Variants in ALOX5 observed in about 807,000 individuals in gnomAD.
ALOX5 encodes arachidonate 5-lipoxygenase.
A neutral mutation model predicts 87.9 loss-of-function variants in ALOX5; 64 were observed. The observed-to-expected ratio is 0.73, with a 90% CI of 0.60 to 0.90. ALOX5 has a LOEUF of 0.90. Ranked by LOEUF, ALOX5 falls within the 40% of genes least tolerant of loss-of-function variation. The pLI is 0.00. For synonymous variants in ALOX5, 388 were observed against 355.1 expected (o/e 1.09, Z -1.04); for missense variants, 822 against 907.5 (o/e 0.91, Z 1.21).
At chr10:45,383,393 C>T (rs1393900096) in intron 2 of ALOX5, among the ~76,000 whole-genome samples, 1 of 152,260 alleles carries the variant, frequency 6.6e-6, no homozygotes, top group African/African-American at 2.4e-5. Context: ...CTGAATGAAC[C>T]ACCTTGCATA....
chr10:45,392,493 CA>C (rs1394691641), intron 2 of ALOX5, among the ~76,000 whole-genome samples: 1 of 151,596 alleles, frequency 6.6e-6, no homozygotes, highest in Non-Finnish European at 1.5e-5. Flanking sequence ...CTTTGTTAAA[CA>C]GATGCTTGAA....
intron 3 of ALOX5, among the ~76,000 whole-genome samples, chr10:45,404,654 C>T (rs146248508): frequency 1.6e-4 from 24 of 152,346 alleles, no homozygotes; most frequent in Admixed American, 2.6e-4. Context: ...ATCTGAATAA[C>T]CCATGCGCTC....
rs79179915 is a variant in ALOX5, at chr10:45,425,903, G to T, written c.834+771G>T. Among the ~76,000 whole-genome samples the T allele has an allele frequency of 4.3e-3, 649 of 152,290 alleles. 14 individuals carry two copies. In the East Asian group the frequency reaches 0.059, roughly 14 times the overall value. On this transcript the variant is annotated intron_variant, in intron 6 of 13. Transcript: ENST00000374391. The surrounding 1 kb of genome is among the most constrained non-coding windows in gnomAD (Gnocchi z 4.4). ...AGGCCCTAGTTGGAGAGGGATGGTT[G>T]GTGCCCTTTAGAGATAAACCTACAG...
chr10:45,404,545 T>C (rs758467580), intron 3 of ALOX5, among the ~76,000 whole-genome samples: 3 of 152,260 alleles, frequency 2.0e-5, no homozygotes, highest in Admixed American at 6.5e-5. Context: ...CTAATCATTA[T>C]GTGACCTGCA....
intron 4 of ALOX5, among the ~76,000 whole-genome samples, chr10:45,413,719 T>TA (rs1841158894): frequency 6.6e-6 from 1 of 152,210 alleles, no homozygotes; most frequent in African/African-American, 2.4e-5. Flanking sequence ...AAAATCTCCT[T>TA]AAGCTGATAA....
At position 45,419,455 on chromosome 10, in the gene ALOX5, G is replaced by A. The variant is rs578179601; in HGVS notation, c.555-4586G>A. The stretch of plus-strand genomic sequence containing the variant: ...GGGACGGGGGAGAGGGAACCTGGGG[G>A]CAGGCAGAGGCCTAGGGGGTGGGCT... On this transcript the variant is annotated intron_variant, in intron 4 of 13. Coordinates refer to ENST00000374391, the MANE Select transcript of ALOX5 (RefSeq NM_000698.5). Among the ~76,000 whole-genome samples, 608 of 152,214 alleles carry A rather than the reference G, an allele frequency of 4.0e-3. 2 individuals are homozygous for A. The highest frequency in any genetic ancestry group is 0.013 in the African/African-American group (558 of 41,548).
intron 3 of ALOX5, among the ~76,000 whole-genome samples, chr10:45,408,825 T>C (rs1416899482): frequency 1.3e-5 from 2 of 152,250 alleles, no homozygotes; most frequent in Admixed American, 1.3e-4. Context: ...TCCATTTCTT[T>C]GTAGTTTCAC....
intron 7 of ALOX5, among the ~76,000 whole-genome samples, chr10:45,431,303 T>A (rs1212082906): frequency 6.6e-6 from 1 of 151,944 alleles, no homozygotes; most frequent in East Asian, 1.9e-4. Flanking sequence ...ATTTTAGAGG[T>A]CATACCACAT....
At chr10:45,424,846 C>A in intron 5 of ALOX5, 114 bp from the exon 6 acceptor site, 1 of 1,294,242 alleles carries the variant, frequency 7.7e-7, no homozygotes, top group Non-Finnish European at 1.1e-6. Context: ...ATCCAGGGAG[C>A]ACTCGGGAGA....
At chr10:45,387,965 G>A (rs1217117011) in intron 2 of ALOX5, among the ~76,000 whole-genome samples, 1 of 152,190 alleles carries the variant, frequency 6.6e-6, no homozygotes, top group African/African-American at 2.4e-5. Context: ...CAGAACAGTG[G>A]GGGCAGCCCA....
Position 45,386,438 on chromosome 10 carries a change from C to T in ALOX5, c.349+3757C>T, listed in dbSNP as rs141873881. ...CTATGATCATGCCACTGCACTCTAGCCTGGGAGACAGAGGGAGACCCTGTC... is the reference window on the plus strand; with the variant it reads ...CTATGATCATGCCACTGCACTCTAGTCTGGGAGACAGAGGGAGACCCTGTC... On this transcript the variant is annotated intron_variant, in intron 2 of 13. Coordinates refer to ENST00000374391, the MANE Select transcript of ALOX5 (RefSeq NM_000698.5). Among the ~76,000 whole-genome samples the T allele has an allele frequency of 6.3e-3, 956 of 151,804 alleles. 4 individuals carry two copies. Among genetic ancestry groups the T allele is most frequent in the Admixed American group, 7.6e-3 (116 of 15,236 alleles).
intron 2 of ALOX5, among the ~76,000 whole-genome samples, chr10:45,384,709 A>G (rs1174899551): frequency 1.3e-5 from 2 of 152,148 alleles, no homozygotes; most frequent in African/African-American, 4.8e-5. Flanking sequence ...AAACTGGCAC[A>G]CTGTAACTTC....
At chr10:45,410,271 T>C (rs995040676) in intron 3 of ALOX5, among the ~76,000 whole-genome samples, 7 of 152,238 alleles carry the variant, frequency 4.6e-5, no homozygotes, top group African/African-American at 1.4e-4. Context: ...TAGATATATA[T>C]TGGAGATGCC....
intron 3 of ALOX5, among the ~76,000 whole-genome samples, chr10:45,404,730 A>G (rs1840818795): frequency 6.6e-6 from 1 of 152,242 alleles, no homozygotes; most frequent in South Asian, 2.1e-4. Context: ...ACCAAGCGAC[A>G]GTGAGCTTTC....
At chr10:45,443,254 C>T (rs1432973629) in intron 10 of ALOX5, 38 bp downstream of exon 10, 2 of 1,599,268 alleles carry the variant, frequency 1.3e-6, no homozygotes, top group South Asian at 1.1e-5. Flanking sequence ...GGGGAGGAGC[C>T]GGGACCCCTG....
At chr10:45,390,061 C>T (rs372339876) in intron 2 of ALOX5, among the ~76,000 whole-genome samples, 1 of 152,130 alleles carries the variant, frequency 6.6e-6, no homozygotes, top group Non-Finnish European at 1.5e-5. Context: ...ATAAAACAGA[C>T]TTTAAACCAA....
In ALOX5 at chr10:45,446,036, T is replaced by G. The variant is rs557071123; in HGVS notation, c.*349T>G. On this transcript the variant is annotated 3_prime_UTR_variant, in exon 14 of 14. Transcript: ENST00000374391. ...TCTATTTGTGCTTAGTCCAATTCCT[T>G]GCACATAGTAGGTACCCAATTCAAT... 4.4e-5 allele frequency: 12 copies of G among 269,900 alleles called. No homozygotes were observed. The highest frequency in any genetic ancestry group is 6.3e-5 in the Non-Finnish European group (9 of 143,932). 16.7% of individuals were successfully genotyped at this position (269,900 alleles called of 1,614,324 possible). A position where few individuals can be genotyped will look rare whatever the true frequency, so the allele number is the denominator to read the frequency against.
chr10:45,400,503 G>A (rs1840661381), intron 3 of ALOX5, among the ~76,000 whole-genome samples: 3 of 152,136 alleles, frequency 2.0e-5, no homozygotes, highest in Admixed American at 2.0e-4. Flanking sequence ...GGAGGCTAAG[G>A]CAGGAGAATC....
intron 8 of ALOX5, 149 bp from the exon 9 acceptor site, chr10:45,441,195 C>A: frequency 1.5e-6 from 1 of 684,674 alleles, no homozygotes; most frequent in Non-Finnish European, 2.6e-6. Context: ...AGCACTTATT[C>A]AGCAGAAAGA....
Sources: allele counts gnomAD v4.1 joint callset (sites outside exome capture counted in the v4.1 genomes callset), GRCh38; gene constraint gnomAD v4.1.1; non-coding constraint Gnocchi (gnomAD v3.1); transcripts MANE v1.5; gene names NCBI Gene and HGNC (gene_info 2026-07-23, HGNC 2026-07-21).